CTBS: variants seen among roughly 807,000 people sequenced by gnomAD.
The protein encoded by CTBS is chitobiase, also known as di-N-acetylchitobiase.
Under a neutral mutation model 44.3 loss-of-function variants are expected in CTBS, and 35 were observed. The observed-to-expected ratio is 0.79, with a 90% CI of 0.60 to 1.05. CTBS has a LOEUF of 1.05. CTBS is among the 50% of genes least tolerant of loss of function. The probability of loss-of-function intolerance (pLI) is 0.00; values close to 1 mark genes in which losing one functional copy is unlikely to be tolerated. For missense variants in CTBS, 458 were observed against 475.3 expected (o/e 0.96, Z 0.34); for synonymous variants, 143 against 168.0 (o/e 0.85, Z 1.15).
In CTBS at chr1:84,550,405, T is replaced by G. The variant is rs375727865; in HGVS notation, c.*4594A>C. 21 of 1,227,384 alleles carry G rather than the reference T, an allele frequency of 1.7e-5. No individual in the cohort carries two copies. The highest frequency in any genetic ancestry group is 2.3e-5 in the Non-Finnish European group (21 of 900,210). The allele number at this position is 1,227,384 out of a possible 1,614,324, so 76.0% of individuals were successfully genotyped here. A position where few individuals can be genotyped will look rare whatever the true frequency, so the allele number is the denominator to read the frequency against. The stretch of plus-strand genomic sequence containing the variant: ...AAATAAAAATGTTTATATGTTATAC[T>G]AAATAAATATCTATCTATCCACACA... On this transcript the variant is annotated 3_prime_UTR_variant, in exon 7 of 7. Coordinates refer to ENST00000370630, the MANE Select transcript of CTBS (RefSeq NM_004388.3).
chr1:84,567,650 C>G (rs1684725068), intron 3 of CTBS, among the ~76,000 whole-genome samples: 1 of 152,132 alleles, frequency 6.6e-6, no homozygotes, highest in Non-Finnish European at 1.5e-5. Context: ...AAGTTATTAT[C>G]TTATTCCCAA....
In CTBS at chr1:84,563,216, A is replaced by T. The variant is rs774034897; in HGVS notation, c.957+41T>A. The T allele has an allele frequency of 3.1e-6, 4 of 1,292,854 alleles. No homozygotes were observed. In the East Asian group the frequency reaches 1.1e-4, roughly 36 times the overall value. The allele number at this position is 1,292,854 out of a possible 1,614,324, so 80.1% of individuals were successfully genotyped here. A position where few individuals can be genotyped will look rare whatever the true frequency, so the allele number is the denominator to read the frequency against. ...ATCTAATTATGAAAATAATTACAAA[A>T]ACTAATAGAATAAATGCTCATAACT... On this transcript the variant is annotated intron_variant, in intron 6 of 6. Transcript: ENST00000370630.
chr1:84,565,858 T>C lies in CTBS; in HGVS notation c.680A>G (p.Tyr227Cys). The C allele has an allele frequency of 3.2e-6, 5 of 1,557,982 alleles. 1 individual carries two copies. The South Asian group carries it at 6.3e-5, about 20-fold the overall frequency. Residue 227 changes from tyrosine (Y) to cysteine (C), a missense_variant, in exon 4 of 7, where the codon TAT (tyrosine) becomes TGT (cysteine). Coordinates refer to ENST00000370630, the MANE Select transcript of CTBS (RefSeq NM_004388.3). Reference sequence around the variant, plus strand: ...AGTCTTACCAGTTAATGTCTGATTATAGGGAGCATTGGCTGCTGCAATACA... The same window carrying C: ...AGTCTTACCAGTTAATGTCTGATTACAGGGAGCATTGGCTGCTGCAATACA... Reference protein sequence around the residue: ...SECIAAANAPYNQTLTGYNDY... With the variant: ...SECIAAANAPCNQTLTGYNDY...
At chr1:84,561,685 C>T (rs1684597307) in intron 6 of CTBS, among the ~76,000 whole-genome samples, 1 of 152,158 alleles carries the variant, frequency 6.6e-6, no homozygotes. Context: ...CATAGCCACC[C>T]CAACCTTCAG....
rs1295051076 is a variant in CTBS, at chr1:84,554,472, T to C, written c.*527A>G. On this transcript the variant is annotated 3_prime_UTR_variant, in exon 7 of 7. Transcript: ENST00000370630. ...TACCTCAGAGAACATAAATACTATA[T>C]GGAGTCAGGAAGCAGAAAAATTATT... 1 of 153,706 alleles carries C rather than the reference T, an allele frequency of 6.5e-6. No homozygotes were observed. The highest frequency in any genetic ancestry group is 1.4e-5 in the Non-Finnish European group (1 of 69,100). The allele number at this position is 153,706 out of a possible 1,614,324, so 9.5% of individuals were successfully genotyped here.
rs1185257545 is a variant in CTBS at position 84,555,203 on chromosome 1, T to C, written c.958-4A>G. 2.5e-6 allele frequency: 4 copies of C among 1,598,190 alleles called. No homozygotes were observed. Among genetic ancestry groups the C allele is most frequent in the Non-Finnish European group, 3.4e-6 (4 of 1,170,182 alleles). Reference sequence around the variant, plus strand: ...GATGAAAGTGGCCAGCAGGATCCTATATAAATAAATTAAAATGGAGATTTT... The same window carrying C: ...GATGAAAGTGGCCAGCAGGATCCTACATAAATAAATTAAAATGGAGATTTT... On this transcript the variant is annotated splice_polypyrimidine_tract_variant and splice_region_variant and intron_variant, in intron 6 of 6. Coordinates refer to ENST00000370630, the MANE Select transcript of CTBS (RefSeq NM_004388.3).
At chr1:84,560,466 GAACCTAAGCACAA>G (rs1190555456) in intron 6 of CTBS, among the ~76,000 whole-genome samples, 3 of 152,150 alleles carry the variant, frequency 2.0e-5, no homozygotes, top group Non-Finnish European at 4.4e-5. Context: ...ATACTTCGTT[GAACCTAAGCACAA>G]AAATGGACAG....
chr1:84,559,288 ATTGT>A (rs887565275), intron 6 of CTBS, among the ~76,000 whole-genome samples: 1 of 152,232 alleles, frequency 6.6e-6, no homozygotes, highest in African/African-American at 2.4e-5. Flanking sequence ...TACTATTGTA[ATTGT>A]TTGTGGGCAC....
intron 6 of CTBS, among the ~76,000 whole-genome samples, chr1:84,557,153 T>C (rs1684459450): frequency 1.3e-5 from 2 of 152,222 alleles, no homozygotes; most frequent in African/African-American, 4.8e-5. Flanking sequence ...CAAGATGAGC[T>C]GCTATTGCTG....
intron 6 of CTBS, among the ~76,000 whole-genome samples, chr1:84,556,710 CAA>C (rs11417377): frequency 1.9e-4 from 18 of 93,466 alleles, no homozygotes; most frequent in Middle Eastern, 5.3e-3. Context: ...GACTCCGTCT[CAA>C]AAAAAAAAAA....
At position 84,556,441 on chromosome 1, in the gene CTBS, G is replaced by A. The variant is rs111898328; in HGVS notation, c.958-1242C>T. On this transcript the variant is annotated intron_variant, in intron 6 of 6. Transcript: ENST00000370630. ...AGATGACCACTTTGGGGCCGGGCAC[G>A]GTGTCTCAGGCCTGTAATACCAGCA... Among the ~76,000 whole-genome samples, 600 of 152,180 alleles carry A rather than the reference G, an allele frequency of 3.9e-3. 3 individuals carry two copies. The highest frequency in any genetic ancestry group is 0.014 in the African/African-American group (576 of 41,514).
intron 6 of CTBS, among the ~76,000 whole-genome samples, chr1:84,562,537 CT>C (rs1684614642): frequency 6.6e-6 from 1 of 152,078 alleles, no homozygotes; most frequent in Admixed American, 6.6e-5. Flanking sequence ...TTTAGTACTC[CT>C]TTTAAAGTAA....
At chr1:84,573,508 A>G (rs1479022626) in intron 1 of CTBS, among the ~76,000 whole-genome samples, 2 of 152,152 alleles carry the variant, frequency 1.3e-5, no homozygotes, top group Non-Finnish European at 2.9e-5. Flanking sequence ...CTGGCATCTA[A>G]GTGTTCTGCC....
In CTBS at chr1:84,565,951, C is replaced by G. The variant is rs755865153; in HGVS notation, c.587G>C (p.Gly196Ala). ...NIDRRCYNYT[G>A]IADACDFLFV... ...GAGGAAGTCACAAGCATCTGCGATT[C>G]CAGTATAATTATAGCATCTTCTGTC... The change falls in exon 4 of 7, where the codon GGA becomes GCA. Residue 196 changes from glycine to alanine, a missense_variant. Transcript: ENST00000370630. 6.3e-7 allele frequency: 1 copy of G among 1,597,046 alleles called. No homozygotes were observed. Among genetic ancestry groups the G allele is most frequent in the East Asian group, 2.3e-5 (1 of 43,646 alleles).
chr1:84,564,132 T>C (rs978467571), intron 4 of CTBS, among the ~76,000 whole-genome samples: 1 of 152,228 alleles, frequency 6.6e-6, no homozygotes, highest in South Asian at 2.1e-4. Flanking sequence ...ATGCTAATTA[T>C]ATCTATTAAT....
chr1:84,550,527 T>A lies in CTBS; in HGVS notation c.*4472A>T. 6.5e-7 allele frequency: 1 copy of A among 1,527,320 alleles called. No individual in the cohort carries two copies. The highest frequency in any genetic ancestry group is 8.8e-7 in the Non-Finnish European group (1 of 1,135,092). The allele number at this position is 1,527,320 out of a possible 1,614,324, so 94.6% of individuals were successfully genotyped here. On this transcript the variant is annotated 3_prime_UTR_variant, in exon 7 of 7. Coordinates refer to ENST00000370630, the MANE Select transcript of CTBS (RefSeq NM_004388.3). ...ACAAAATGAAACTCATAGTAGAAGTTAAGGTAATTTACATTTTTCCTAATC... is the reference window on the plus strand; with the variant it reads ...ACAAAATGAAACTCATAGTAGAAGTAAAGGTAATTTACATTTTTCCTAATC...
chr1:84,563,430 A>G lies in CTBS; in HGVS notation c.796-12T>C. On this transcript the variant is annotated splice_polypyrimidine_tract_variant and intron_variant, in intron 5 of 6. Transcript: ENST00000370630. ...GTACAAACATGATCCTAGAAATGCA[A>G]AAGTGCTCATGTTATATATTATCAA... is the stretch of plus-strand genomic sequence containing the variant. The G allele has an allele frequency of 6.8e-7, 1 of 1,480,918 alleles. No homozygotes were observed. The highest frequency in any genetic ancestry group is 1.9e-4 in the Middle Eastern group (1 of 5,388). The allele number at this position is 1,480,918 out of a possible 1,614,324, so 91.7% of individuals were successfully genotyped here.
chr1:84,550,263 C>G lies in CTBS; in HGVS notation c.*4736G>C. On this transcript the variant is annotated 3_prime_UTR_variant, in exon 7 of 7. Transcript: ENST00000370630. ...TGTTCCCTAAAATGCAAGAAATCAACAGAAACAAATAGTAATTTCTCCAAA... is the reference window on the plus strand; with the variant it reads ...TGTTCCCTAAAATGCAAGAAATCAAGAGAAACAAATAGTAATTTCTCCAAA... The G allele has an allele frequency of 2.6e-6, 1 of 383,830 alleles. No homozygotes were observed. Among genetic ancestry groups the G allele is most frequent in the Non-Finnish European group, 4.7e-6 (1 of 212,156 alleles). 23.8% of individuals were successfully genotyped at this position (383,830 alleles called of 1,614,324 possible).
At chr1:84,560,797 T>C (rs1404192813) in intron 6 of CTBS, among the ~76,000 whole-genome samples, 1 of 152,188 alleles carries the variant, frequency 6.6e-6, no homozygotes, top group Non-Finnish European at 1.5e-5. Context: ...CTGCCTGTGA[T>C]CTATAAATGG....
Sources: gnomAD v4.1 joint callset for allele counts (sites outside exome capture counted in the v4.1 genomes callset) on GRCh38, gnomAD v4.1.1 for gene constraint, MANE v1.5 for transcripts, NCBI Gene and HGNC (gene_info 2026-07-23, HGNC 2026-07-21) for gene names.